GALNT2: variants seen among roughly 807,000 people sequenced by gnomAD.
GALNT2 encodes polypeptide N-acetylgalactosaminyltransferase 2, also known as UDP-GalNAc:polypeptide N-acetylgalactosaminyltransferase 2.
A neutral mutation model predicts 81.4 loss-of-function variants in GALNT2; 31 were observed. The observed-to-expected ratio is 0.38, with a 90% CI of 0.29 to 0.51. The LOEUF (loss-of-function observed/expected upper bound fraction) is 0.51. Among genes scored for constraint, GALNT2 ranks in the 20% least tolerant of loss-of-function variants. The pLI is 0.87. For synonymous variants in GALNT2, 303 were observed against 287.4 expected, an observed-to-expected ratio of 1.05 and a Z score of -0.55; for missense variants, 629 against 765.7, an observed-to-expected ratio of 0.82 and a Z score of 2.11.
chr1:230,190,284 C>T (rs1223137223), intron 2 of GALNT2, among the ~76,000 whole-genome samples: 1 of 152,254 alleles, frequency 6.6e-6, no homozygotes, highest in Admixed American at 6.5e-5. Context: ...TCCATACTTG[C>T]CCTGGGCGTA....
chr1:230,179,725 G>A (rs1388806294), intron 2 of GALNT2, among the ~76,000 whole-genome samples: 2 of 152,114 alleles, frequency 1.3e-5, no homozygotes, highest in Non-Finnish European at 2.9e-5. Flanking sequence ...TTTTGTAAAT[G>A]TTTCTCCTAG....
chr1:230,259,873 G>C (rs1376563354), intron 11 of GALNT2: 3 of 152,222 alleles, frequency 2.0e-5, no homozygotes, highest in African/African-American at 7.2e-5. Context: ...TCCAACAAAG[G>C]CAGTCTGGTA....
chr1:230,073,849 A>C (rs1183960583), intron 1 of GALNT2, among the ~76,000 whole-genome samples: 1 of 152,280 alleles, frequency 6.6e-6, no homozygotes, highest in East Asian at 1.9e-4. Context: ...GCAGCCTTCC[A>C]GGAGCTCCCC....
chr1:230,089,602 G>T (rs554747672), intron 1 of GALNT2, among the ~76,000 whole-genome samples: 2 of 152,262 alleles, frequency 1.3e-5, no homozygotes, highest in African/African-American at 4.8e-5. Context: ...GGCGGCCAGG[G>T]TTCTACCTTC....
intron 15 of GALNT2, among the ~76,000 whole-genome samples, chr1:230,277,647 G>A (rs1159941201): frequency 6.6e-6 from 1 of 152,206 alleles, no homozygotes; most frequent in Non-Finnish European, 1.5e-5. Context: ...AGGTGAGCAG[G>A]TGGACGGAAA....
Position 230,236,004 on chromosome 1 carries a change from C to T in GALNT2, c.375-10C>T. On this transcript the variant is annotated splice_polypyrimidine_tract_variant and intron_variant, in intron 3 of 15. Coordinates refer to ENST00000366672, the MANE Select transcript of GALNT2 (RefSeq NM_004481.5). ...TCATTGTTCAGAGGACCATCTTTCT[C>T]TTCCTGCAGGTGTCAGCGGAAGCAG... The T allele has an allele frequency of 6.2e-7, 1 of 1,613,738 alleles. No homozygotes were observed. The highest frequency in any genetic ancestry group is 8.5e-7 in the Non-Finnish European group (1 of 1,179,710).
intron 3 of GALNT2, among the ~76,000 whole-genome samples, chr1:230,213,976 C>A (rs933707859): frequency 6.6e-6 from 1 of 152,042 alleles, no homozygotes; most frequent in Non-Finnish European, 1.5e-5. Flanking sequence ...ATTTATATTC[C>A]CATTGCTCCT....
chr1:230,133,036 C>T (rs1031848955), intron 1 of GALNT2, among the ~76,000 whole-genome samples: 11 of 152,174 alleles, frequency 7.2e-5, no homozygotes, highest in Non-Finnish European at 1.5e-4. Context: ...TTAATATACT[C>T]GTGGTAACAA....
At chr1:230,260,012 C>T (rs1003075409) in intron 11 of GALNT2, among the ~76,000 whole-genome samples, 1 of 152,136 alleles carries the variant, frequency 6.6e-6, no homozygotes. Flanking sequence ...GCAGTTTAGA[C>T]GTTAGAAGTT....
rs1666281211 is a variant in GALNT2, at chr1:230,275,690, ACAC to A, written c.1560+1130_1560+1132del. ...ACATGCCACATGTATACATATGTAAACACCACATATATATACACACCACATATA... is the reference window on the plus strand; with the variant it reads ...ACATGCCACATGTATACATATGTAAACACATATATATACACACCACATATA... On this transcript the variant is annotated intron_variant, in intron 15 of 15. Coordinates refer to ENST00000366672, the MANE Select transcript of GALNT2 (RefSeq NM_004481.5). This position sits in a 1 kb window ranked among gnomAD's most constrained non-coding sequence, Gnocchi z 5.5. Among the ~76,000 whole-genome samples, 1 of 116,106 alleles carries A rather than the reference ACAC, an allele frequency of 8.6e-6. No individual in the cohort carries two copies. Among genetic ancestry groups the A allele is most frequent in the South Asian group, 3.0e-4 (1 of 3,364 alleles). 76.2% of individuals were successfully genotyped at this position (116,106 alleles called of 152,430 possible). A position where few individuals can be genotyped will look rare whatever the true frequency, so the allele number is the denominator to read the frequency against.
At chr1:230,086,966 C>G (rs1205048736) in intron 1 of GALNT2, among the ~76,000 whole-genome samples, 1 of 152,216 alleles carries the variant, frequency 6.6e-6, no homozygotes, top group East Asian at 1.9e-4. Flanking sequence ...ACAGGGTTTA[C>G]TGCATGAAGC....
At chr1:230,129,687 T>C (rs1285871417) in intron 1 of GALNT2, among the ~76,000 whole-genome samples, 2 of 152,172 alleles carry the variant, frequency 1.3e-5, no homozygotes, top group Non-Finnish European at 2.9e-5. Context: ...CCCCCAAAAT[T>C]CTGTCACTTA....
chr1:230,106,622 T>G (rs1208807032), intron 1 of GALNT2, among the ~76,000 whole-genome samples: 1 of 152,256 alleles, frequency 6.6e-6, no homozygotes, highest in Admixed American at 6.5e-5. Context: ...GAGCATTTGC[T>G]GTATGGCAGG....
intron 1 of GALNT2, among the ~76,000 whole-genome samples, chr1:230,098,561 C>T (rs530170753): frequency 1.3e-4 from 19 of 151,834 alleles, no homozygotes; most frequent in South Asian, 1.0e-3. Flanking sequence ...TCTAGGGCAG[C>T]GGTAAGACGA....
intron 6 of GALNT2, among the ~76,000 whole-genome samples, chr1:230,241,596 G>GCCA (rs1558156404): frequency 2.6e-5 from 4 of 152,054 alleles, no homozygotes; most frequent in African/African-American, 9.7e-5. Context: ...ACAGGCGCAC[G>GCCA]CCACCACGCC....
chr1:230,254,092 G>C (rs656029), intron 10 of GALNT2, among the ~76,000 whole-genome samples: 6 of 152,170 alleles, frequency 3.9e-5, no homozygotes, highest in Admixed American at 6.5e-5. Flanking sequence ...ATACAAACCT[G>C]GTAAAGAAAA....
chr1:230,107,535 G>A (rs867686109), intron 1 of GALNT2, among the ~76,000 whole-genome samples: 1 of 151,434 alleles, frequency 6.6e-6, no homozygotes, highest in African/African-American at 2.4e-5. Flanking sequence ...AGCTATGATT[G>A]TGCCACTGTA....
At chr1:230,103,154 A>G (rs961357490) in intron 1 of GALNT2, among the ~76,000 whole-genome samples, 2 of 152,252 alleles carry the variant, frequency 1.3e-5, no homozygotes. Context: ...AACAGTTGCT[A>G]GAAGGAGCTA....
rs554431974 is a variant in GALNT2, at chr1:230,229,889, G to A, written c.375-6125G>A. 5.3e-5 allele frequency among the ~76,000 whole-genome samples: 8 copies of A among 152,324 alleles called. No individual in the cohort carries two copies. The East Asian group carries it at 5.8e-4, about 11-fold the overall frequency. On this transcript the variant is annotated intron_variant, in intron 3 of 15. Coordinates refer to ENST00000366672, the MANE Select transcript of GALNT2 (RefSeq NM_004481.5). Reference sequence around the variant, plus strand: ...GGGTAGTTTATTTAAAATACACATAGTAACAATGAAGCACCAAATTCAAGA... The same window carrying A: ...GGGTAGTTTATTTAAAATACACATAATAACAATGAAGCACCAAATTCAAGA...
Sources: gnomAD v4.1 joint callset for allele counts (sites outside exome capture counted in the v4.1 genomes callset) on GRCh38, gnomAD v4.1.1 for gene constraint, Gnocchi (gnomAD v3.1) non-coding constraint, MANE v1.5 for transcripts, NCBI Gene and HGNC (gene_info 2026-07-23, HGNC 2026-07-21) for gene names.